The following EXOC4 variants were observed in gnomAD, a reference collection of about 807,000 sequenced individuals.
The protein encoded by EXOC4 is SEC8-like 1.
In EXOC4, 71 loss-of-function variants were observed where a neutral mutation model predicts 107.2. The ratio of observed to expected loss-of-function variants is 0.66; its 90% confidence interval spans 0.55 to 0.81. The LOEUF (loss-of-function observed/expected upper bound fraction) is 0.81, where lower values mean the gene tolerates loss of function less well. Among genes scored for constraint, EXOC4 ranks in the 30% least tolerant of loss-of-function variants. The probability of loss-of-function intolerance (pLI) is 0.00; values close to 1 mark genes in which losing one functional copy is unlikely to be tolerated. For synonymous variants in EXOC4, 456 were observed against 441.2 expected (o/e 1.03, Z -0.42); for missense variants, 1,108 against 1,189.6 (o/e 0.93, Z 1.01).
intron 2 of EXOC4, among the ~76,000 whole-genome samples, chr7:133,281,892 G>T (rs1041901670): frequency 3.3e-5 from 5 of 151,934 alleles, no homozygotes; most frequent in African/African-American, 1.2e-4. Context: ...TAGTAGAGAT[G>T]GGGTTTCACC....
chr7:133,860,071 A>G (rs1393728248), intron 11 of EXOC4, among the ~76,000 whole-genome samples: 1 of 152,196 alleles, frequency 6.6e-6, no homozygotes, highest in African/African-American at 2.4e-5. Context: ...GCAATTTCCT[A>G]CTATTCAACC....
the EXOC4 span, among the ~76,000 whole-genome samples, chr7:134,073,308 C>T: frequency 6.6e-6 from 1 of 151,526 alleles, no homozygotes; most frequent in South Asian, 2.1e-4. Flanking sequence ...CCTAAAGGCC[C>T]CCAGAACCAT....
rs144521884 is a variant in EXOC4, at chr7:133,830,759, C to G, written c.1734+13215C>G. 9.6e-3 allele frequency among the ~76,000 whole-genome samples: 1,455 copies of G among 152,174 alleles called. 9 individuals are homozygous for G. Among genetic ancestry groups the G allele is most frequent in the Middle Eastern group, 0.02 (6 of 294 alleles). On this transcript the variant is annotated intron_variant, in intron 11 of 17. Coordinates refer to ENST00000253861, the MANE Select transcript of EXOC4 (RefSeq NM_021807.4). ...GGTGCATTTGTTACAATTAATGAGCCAATATTGACACATTATTATTAACTA... is the reference window on the plus strand; with the variant it reads ...GGTGCATTTGTTACAATTAATGAGCGAATATTGACACATTATTATTAACTA...
intron 7 of EXOC4, among the ~76,000 whole-genome samples, chr7:133,474,435 G>C (rs777706009): frequency 2.2e-4 from 34 of 151,608 alleles, no homozygotes; most frequent in Non-Finnish European, 3.7e-4. Flanking sequence ...AGCCTCTCAA[G>C]TAGCTGGGAC....
chr7:133,856,076 T>C (rs1011802529), intron 11 of EXOC4, among the ~76,000 whole-genome samples: 2 of 152,214 alleles, frequency 1.3e-5, no homozygotes, highest in Non-Finnish European at 2.9e-5. Flanking sequence ...TTATTAATTG[T>C]AAGAAACTGC....
At chr7:133,733,652 C>T (rs1470584081) in intron 10 of EXOC4, 1 of 152,252 alleles carries the variant, frequency 6.6e-6, no homozygotes, top group African/African-American at 2.4e-5. Context: ...ATGTATATGG[C>T]ATTTGGCATA....
chr7:134,076,721 A>G, the EXOC4 span, among the ~76,000 whole-genome samples: 1 of 150,682 alleles, frequency 6.6e-6, no homozygotes, highest in African/African-American at 2.4e-5. Flanking sequence ...ATATATATAT[A>G]TGTATATCTC....
intron 10 of EXOC4, among the ~76,000 whole-genome samples, chr7:133,737,812 A>G (rs891520007): frequency 9.2e-5 from 14 of 151,978 alleles, no homozygotes; most frequent in Admixed American, 9.2e-4. Flanking sequence ...TCAGACTTTC[A>G]GTTAAATGAC....
intron 17 of EXOC4, among the ~76,000 whole-genome samples, chr7:134,048,881 T>A (rs1357193029): frequency 6.6e-6 from 1 of 151,908 alleles, no homozygotes; most frequent in Non-Finnish European, 1.5e-5. Flanking sequence ...AAAAAAAAAA[T>A]AGCCAAGTTG....
chr7:133,739,222 T>TGTGTGTG (rs1795510845), intron 10 of EXOC4, among the ~76,000 whole-genome samples: 3 of 142,308 alleles, frequency 2.1e-5, no homozygotes, highest in Non-Finnish European at 3.1e-5. Flanking sequence ...GTAGAGGGGT[T>TGTGTGTG]TGTGTGTGTG....
At chr7:133,552,916 G>C (rs1338529810) in intron 9 of EXOC4, among the ~76,000 whole-genome samples, 1 of 152,102 alleles carries the variant, frequency 6.6e-6, no homozygotes, top group Non-Finnish European at 1.5e-5. Flanking sequence ...TGAATAAAAT[G>C]AGTTTGGTGC....
At chr7:133,888,285 A>AC (rs201452239) in intron 11 of EXOC4, among the ~76,000 whole-genome samples, 72 of 152,338 alleles carry the variant, frequency 4.7e-4, no homozygotes, top group African/African-American at 1.7e-3. Context: ...TTTAAGCATA[A>AC]TAAAAATGCC....
chr7:133,874,112 G>A (rs1798801519), intron 11 of EXOC4, among the ~76,000 whole-genome samples: 1 of 152,178 alleles, frequency 6.6e-6, no homozygotes, highest in African/African-American at 2.4e-5. Flanking sequence ...TTACTTTATG[G>A]TGGGAAGGCT....
chr7:133,536,473 T>C (rs1489557925), intron 9 of EXOC4, among the ~76,000 whole-genome samples: 1 of 152,102 alleles, frequency 6.6e-6, no homozygotes, highest in Non-Finnish European at 1.5e-5. Flanking sequence ...TTCAAAATGT[T>C]GCTGGTAGCA....
rs576394418 is a variant in EXOC4 at position 133,259,559 on chromosome 7, A to G, written c.86+6372A>G. Among the ~76,000 whole-genome samples the G allele has an allele frequency of 8.5e-5, 13 of 152,124 alleles. No individual in the cohort carries two copies. In the East Asian group the frequency reaches 2.3e-3, roughly 27 times the overall value. On this transcript the variant is annotated intron_variant, in intron 1 of 17. Coordinates refer to ENST00000253861, the MANE Select transcript of EXOC4 (RefSeq NM_021807.4). ...ATTTTCTTCACCAGCATTATCCACT[A>G]TTAATACTTTTGCTTCCAGTTTAAG...
intron 9 of EXOC4, among the ~76,000 whole-genome samples, chr7:133,615,326 A>G (rs1359920734): frequency 1.3e-5 from 2 of 152,050 alleles, no homozygotes; most frequent in African/African-American, 4.8e-5. Context: ...TTATTTTTAT[A>G]ACGATTGACT....
chr7:133,964,779 G>A (rs1414537807), intron 14 of EXOC4, among the ~76,000 whole-genome samples: 1 of 152,124 alleles, frequency 6.6e-6, no homozygotes, highest in Non-Finnish European at 1.5e-5. Context: ...GAACAGTGCT[G>A]TCATAAACAT....
intron 8 of EXOC4, 146 bp from the exon 9 acceptor site, chr7:133,479,904 C>A: frequency 1.5e-6 from 1 of 662,654 alleles, no homozygotes; most frequent in Non-Finnish European, 2.7e-6. Flanking sequence ...CTGGCCCTGG[C>A]CCTGTCATGG....
At chr7:133,602,170 A>T (rs1255091686) in intron 9 of EXOC4, among the ~76,000 whole-genome samples, 1 of 152,210 alleles carries the variant, frequency 6.6e-6, no homozygotes, top group Non-Finnish European at 1.5e-5. Flanking sequence ...TAGAAGGTGC[A>T]TATATGTAAA....
Sources: allele counts gnomAD v4.1 joint callset (sites outside exome capture counted in the v4.1 genomes callset), GRCh38; gene constraint gnomAD v4.1.1; transcripts MANE v1.5; gene names NCBI Gene and HGNC (gene_info 2026-07-23, HGNC 2026-07-21).